PLD1: variants seen among roughly 807,000 people sequenced by gnomAD.
PLD1 encodes the protein choline phosphatase 1.
A neutral mutation model predicts 137.1 loss-of-function variants in PLD1; 112 were observed. The ratio of observed to expected loss-of-function variants is 0.82; its 90% CI spans 0.70 to 0.96. The LOEUF (loss-of-function observed/expected upper bound fraction) is 0.96. PLD1 is among the 40% of genes least tolerant of loss of function. The probability of loss-of-function intolerance (pLI) is 0.00; values close to 1 mark genes in which losing one functional copy is unlikely to be tolerated. For synonymous variants in PLD1, 431 were observed against 454.7 expected (o/e 0.95, Z 0.66); for missense variants, 1,321 against 1,342.0 (o/e 0.98, Z 0.24).
In PLD1 at chr3:171,745,984, C is replaced by T. The variant is rs186841345; in HGVS notation, c.-31-7902G>A. ...GGCTCGGCAAGTCCCGCACTCAGAGCGGCTGGCGCCACCGGCCCCGGGCAG... is the reference window on the plus strand; with the variant it reads ...GGCTCGGCAAGTCCCGCACTCAGAGTGGCTGGCGCCACCGGCCCCGGGCAG... On this transcript the variant is annotated intron_variant, in intron 1 of 26. Transcript: ENST00000351298. 1.2e-3 allele frequency among the ~76,000 whole-genome samples: 182 copies of T among 151,626 alleles called. 2 individuals carry two copies. Among genetic ancestry groups the T allele is most frequent in the Admixed American group, 8.5e-3 (130 of 15,280 alleles).
At chr3:171,743,505 C>T (rs867321571) in intron 1 of PLD1, among the ~76,000 whole-genome samples, 2 of 152,296 alleles carry the variant, frequency 1.3e-5, no homozygotes, top group South Asian at 4.1e-4. Flanking sequence ...GCATGTCTTC[C>T]TGGCCTCATC....
At chr3:171,620,349 G>A in intron 24 of PLD1, 37 bp downstream of exon 24, 1 of 1,454,342 alleles carries the variant, frequency 6.9e-7, no homozygotes, top group Non-Finnish European at 9.3e-7. Flanking sequence ...AAGTCAACTG[G>A]CAAGGAATAC....
intron 16 of PLD1, among the ~76,000 whole-genome samples, chr3:171,680,101 C>T (rs1463816337): frequency 2.0e-5 from 3 of 152,038 alleles, no homozygotes; most frequent in African/African-American, 7.2e-5. Context: ...CCACATCCTC[C>T]TCCTTCTATT....
At chr3:171,746,141 CA>C (rs1478190220) in intron 1 of PLD1, among the ~76,000 whole-genome samples, 1 of 152,214 alleles carries the variant, frequency 6.6e-6, no homozygotes, top group African/African-American at 2.4e-5. Flanking sequence ...TTGGGACCTG[CA>C]GCCTGCCATG....
chr3:171,735,194 T>A (rs939675543), intron 4 of PLD1, among the ~76,000 whole-genome samples: 4 of 152,220 alleles, frequency 2.6e-5, no homozygotes, highest in African/African-American at 9.6e-5. Context: ...AGTGGTACAA[T>A]CATGCTCACT....
intron 1 of PLD1, among the ~76,000 whole-genome samples, chr3:171,803,402 G>T (rs566876120): frequency 6.6e-6 from 1 of 152,240 alleles, no homozygotes; most frequent in South Asian, 2.1e-4. Context: ...GGCAAAGCCA[G>T]TGGTGTGCTG....
intron 1 of PLD1, among the ~76,000 whole-genome samples, chr3:171,753,802 C>G (rs4484217): frequency 0.22 from 33,382 of 152,054 alleles, 4,784 homozygotes; most frequent in Admixed American, 0.3. Flanking sequence ...TCTCAAGTAT[C>G]TCAATTACAC....
At chr3:171,656,081 G>A (rs563111705) in intron 21 of PLD1, among the ~76,000 whole-genome samples, 1 of 152,222 alleles carries the variant, frequency 6.6e-6, no homozygotes, top group African/African-American at 2.4e-5. Flanking sequence ...CCTTTCAGGA[G>A]CAGCTCATAA....
intron 25 of PLD1, among the ~76,000 whole-genome samples, chr3:171,605,991 GA>G (rs1334988533): frequency 6.6e-6 from 1 of 152,140 alleles, no homozygotes; most frequent in Non-Finnish European, 1.5e-5. Context: ...GACAGAATCT[GA>G]CTTACATATT....
chr3:171,775,523 A>T (rs1344317437), intron 1 of PLD1, among the ~76,000 whole-genome samples: 1 of 152,160 alleles, frequency 6.6e-6, no homozygotes, highest in Non-Finnish European at 1.5e-5. Flanking sequence ...CCCATGGCAC[A>T]AGTAAAAGTA....
At chr3:171,781,067 C>T (rs945122460) in intron 1 of PLD1, among the ~76,000 whole-genome samples, 2 of 152,148 alleles carry the variant, frequency 1.3e-5, no homozygotes, top group South Asian at 2.1e-4. Flanking sequence ...TTCAAGACAT[C>T]GTAGTAAGTC....
intron 1 of PLD1, among the ~76,000 whole-genome samples, chr3:171,783,767 C>T (rs1046162211): frequency 2.6e-5 from 4 of 152,108 alleles, no homozygotes; most frequent in East Asian, 1.9e-4. Context: ...CTCATCCTCC[C>T]GAGTAGCTGG....
At chr3:171,637,372 A>G (rs944487636) in intron 23 of PLD1, among the ~76,000 whole-genome samples, 1 of 151,916 alleles carries the variant, frequency 6.6e-6, no homozygotes, top group African/African-American at 2.4e-5. Flanking sequence ...AGTAGCTGGG[A>G]CTACAGGTGC....
At chr3:171,784,162 C>G (rs952660976) in intron 1 of PLD1, among the ~76,000 whole-genome samples, 4 of 152,260 alleles carry the variant, frequency 2.6e-5, no homozygotes, top group African/African-American at 9.6e-5. Flanking sequence ...AACCCTTCAA[C>G]AAATTGGCTA....
At position 171,659,462 on chromosome 3, in the gene PLD1, T is replaced by C. The variant is rs922981786; in HGVS notation, c.2341-161A>G. 2.0e-5 allele frequency among the ~76,000 whole-genome samples: 3 copies of C among 152,230 alleles called. No individual in the cohort carries two copies. The East Asian group carries it at 5.8e-4, about 29-fold the overall frequency. On this transcript the variant is annotated intron_variant, in intron 20 of 26. Coordinates refer to ENST00000351298, the MANE Select transcript of PLD1 (RefSeq NM_002662.5). ...TCAACGACACAGAAAAAAAGCCGCCTCATCTCACTCAGGGTCTCATCTGAT... is the reference window on the plus strand; with the variant it reads ...TCAACGACACAGAAAAAAAGCCGCCCCATCTCACTCAGGGTCTCATCTGAT...
intron 1 of PLD1, among the ~76,000 whole-genome samples, chr3:171,746,024 C>T (rs528826667): frequency 1.2e-5 from 1 of 85,630 alleles, no homozygotes; most frequent in Non-Finnish European, 2.3e-5. Context: ...GGGCTTAGCA[C>T]CGGGCAAGCA....
chr3:171,760,028 A>G (rs73043891), intron 1 of PLD1, among the ~76,000 whole-genome samples: 6,523 of 152,330 alleles, frequency 0.043, 304 homozygotes, highest in African/African-American at 0.11. Flanking sequence ...GAACCCTAAT[A>G]ACTCCACCTA....
chr3:171,764,511 C>T (rs932435235), intron 1 of PLD1, among the ~76,000 whole-genome samples: 1 of 152,060 alleles, frequency 6.6e-6, no homozygotes, highest in African/African-American at 2.4e-5. Context: ...AGTAATTTTG[C>T]AACATGGCCT....
chr3:171,634,452 C>A (rs1378030821), intron 23 of PLD1, among the ~76,000 whole-genome samples: 1 of 152,088 alleles, frequency 6.6e-6, no homozygotes, highest in Non-Finnish European at 1.5e-5. Flanking sequence ...TACTAATTCA[C>A]TATCATCTTC....
Sources: allele counts gnomAD v4.1 joint callset (sites outside exome capture counted in the v4.1 genomes callset), GRCh38; gene constraint gnomAD v4.1.1; transcripts MANE v1.5; gene names NCBI Gene and HGNC (gene_info 2026-07-23, HGNC 2026-07-21).